Variants in SORCS2 observed in about 807,000 individuals in gnomAD.
SORCS2 encodes sortilin related VPS10 domain containing receptor 2.
SORCS2 carries 100 observed loss-of-function variants against 141.6 expected under a neutral mutation model. That is an observed-to-expected ratio of 0.71 (90% CI 0.60 to 0.83). SORCS2 has a LOEUF of 0.83. SORCS2 is among the 40% of genes least tolerant of loss of function. The probability of loss-of-function intolerance (pLI) is 0.00; values close to 1 mark genes in which losing one functional copy is unlikely to be tolerated. For missense variants in SORCS2, 1,646 were observed against 1,560.2 expected, an observed-to-expected ratio of 1.05 and a Z score of -0.93; for synonymous variants, 789 against 676.9, an observed-to-expected ratio of 1.17 and a Z score of -2.57.
At chr4:7,434,810 G>A in intron 2 of SORCS2, 1 of 1,606,432 alleles carries the variant, frequency 6.2e-7, no homozygotes, top group Non-Finnish European at 8.5e-7. Flanking sequence ...GCACACTCCT[G>A]GGGGCCTGAG....
At chr4:7,665,733 T>C (rs75348643) in intron 7 of SORCS2, among the ~76,000 whole-genome samples, 5,928 of 152,260 alleles carry the variant, frequency 0.039, 364 homozygotes, top group African/African-American at 0.13. Flanking sequence ...CTTTCCCAGC[T>C]CCTAGCATTG....
chr4:7,350,785 C>G (rs1720893461), intron 1 of SORCS2, among the ~76,000 whole-genome samples: 1 of 152,204 alleles, frequency 6.6e-6, no homozygotes, highest in South Asian at 2.1e-4. Flanking sequence ...GAGTTCACTG[C>G]TATTGATTGC....
chr4:7,685,010 C>G (rs993121188), intron 10 of SORCS2, among the ~76,000 whole-genome samples: 4 of 152,230 alleles, frequency 2.6e-5, no homozygotes, highest in African/African-American at 9.6e-5. Context: ...GGCTGCCCGC[C>G]TCTGCTCAAG....
chr4:7,694,562 G>A (rs1041665632), intron 11 of SORCS2, among the ~76,000 whole-genome samples: 13 of 152,206 alleles, frequency 8.5e-5, no homozygotes, highest in African/African-American at 1.2e-4. Context: ...GTGCTGACGC[G>A]GCAACACTCC....
chr4:7,479,799 G>T (rs1389387273), intron 2 of SORCS2, among the ~76,000 whole-genome samples: 1 of 152,208 alleles, frequency 6.6e-6, no homozygotes, highest in Non-Finnish European at 1.5e-5. Flanking sequence ...TCCAGTGGTG[G>T]GTGCAGTGAG....
intron 9 of SORCS2, among the ~76,000 whole-genome samples, chr4:7,679,380 G>A (rs1442640146): frequency 6.6e-6 from 1 of 152,194 alleles, no homozygotes; most frequent in Admixed American, 6.5e-5. Flanking sequence ...CGAAATGGTG[G>A]CTCACATGCT....
intron 1 of SORCS2, among the ~76,000 whole-genome samples, chr4:7,391,544 G>T (rs1271380643): frequency 6.6e-6 from 1 of 152,056 alleles, no homozygotes; most frequent in Admixed American, 6.5e-5. Context: ...GCCGGCCTAG[G>T]GTCTCTCCAG....
chr4:7,470,359 A>G (rs1377212743), intron 2 of SORCS2, among the ~76,000 whole-genome samples: 1 of 150,598 alleles, frequency 6.6e-6, no homozygotes, highest in Non-Finnish European at 1.5e-5. Context: ...TTATCGATCC[A>G]TCCATCCATC....
chr4:7,690,883 A>T (rs1460818242), intron 11 of SORCS2, among the ~76,000 whole-genome samples: 1 of 152,250 alleles, frequency 6.6e-6, no homozygotes, highest in Non-Finnish European at 1.5e-5. Context: ...AAACTAGAAC[A>T]TCCAAGAATC....
intron 2 of SORCS2, among the ~76,000 whole-genome samples, chr4:7,469,224 G>T (rs1653934402): frequency 6.6e-6 from 1 of 152,034 alleles, no homozygotes; most frequent in South Asian, 2.1e-4. Flanking sequence ...TGTTGATGGC[G>T]GTGGTGATAG....
At chr4:7,290,514 C>T (rs370945352) in intron 1 of SORCS2, among the ~76,000 whole-genome samples, 1 of 152,166 alleles carries the variant, frequency 6.6e-6, no homozygotes, top group South Asian at 2.1e-4. Context: ...ATCCTCCCTT[C>T]ATTTCTCCAG....
chr4:7,499,955 C>T (rs1042447083), intron 2 of SORCS2, among the ~76,000 whole-genome samples: 9 of 152,120 alleles, frequency 5.9e-5, no homozygotes, highest in African/African-American at 2.2e-4. Context: ...AGCCAGCTGT[C>T]CTCCTTGGAA....
At chr4:7,330,364 T>C (rs1276310288) in intron 1 of SORCS2, among the ~76,000 whole-genome samples, 1 of 152,012 alleles carries the variant, frequency 6.6e-6, no homozygotes, top group Non-Finnish European at 1.5e-5. Context: ...AAAGAGCTTC[T>C]CGGCAAATTT....
chr4:7,553,583 C>CA lies in SORCS2; in HGVS notation c.648+21955dup, dbSNP rs1257412871. On this transcript the variant is annotated intron_variant, in intron 3 of 26. Coordinates refer to ENST00000507866, the MANE Select transcript of SORCS2 (RefSeq NM_020777.3). Reference sequence around the variant, plus strand: ...TCTTCAAATGAGACTGCCTGGAAAACATCTCTTGCCAACAGAGAGATGAGT... The same window carrying CA: ...TCTTCAAATGAGACTGCCTGGAAAACAATCTCTTGCCAACAGAGAGATGAGT... Among the ~76,000 whole-genome samples, 6 of 152,310 alleles carry CA rather than the reference C, an allele frequency of 3.9e-5. 1 individual carries two copies. In the Middle Eastern group the frequency reaches 0.017, roughly 432 times the overall value.
At chr4:7,288,131 C>T (rs1186355443) in intron 1 of SORCS2, among the ~76,000 whole-genome samples, 1 of 152,170 alleles carries the variant, frequency 6.6e-6, no homozygotes, top group Non-Finnish European at 1.5e-5. Context: ...CTCGAGAGCT[C>T]GGCTGCTTAA....
chr4:7,633,052 A>T (rs184896314), intron 3 of SORCS2, among the ~76,000 whole-genome samples: 38 of 152,294 alleles, frequency 2.5e-4, no homozygotes, highest in African/African-American at 8.4e-4. Flanking sequence ...GGTTGTTCAG[A>T]ATTTTGTACT....
At chr4:7,396,464 G>C (rs1182157304) in intron 2 of SORCS2, 109 bp downstream of exon 2, 1 of 1,140,366 alleles carries the variant, frequency 8.8e-7, no homozygotes, top group Non-Finnish European at 1.3e-6. Context: ...GCCCCTGTGA[G>C]TCAGTGGCCT....
At chr4:7,399,834 G>A (rs1724457802) in intron 2 of SORCS2, among the ~76,000 whole-genome samples, 3 of 152,162 alleles carry the variant, frequency 2.0e-5, no homozygotes, top group South Asian at 4.2e-4. Flanking sequence ...CAGGGAAGGC[G>A]TGAGTTCAAG....
chr4:7,209,773 C>T (rs1231182480), intron 1 of SORCS2, among the ~76,000 whole-genome samples: 2 of 152,094 alleles, frequency 1.3e-5, no homozygotes, highest in South Asian at 4.1e-4. Flanking sequence ...CAGAACCTAC[C>T]GACCAACCAT....
Sources: allele counts gnomAD v4.1 joint callset (sites outside exome capture counted in the v4.1 genomes callset), GRCh38; gene constraint gnomAD v4.1.1; transcripts MANE v1.5; gene names NCBI Gene and HGNC (gene_info 2026-07-23, HGNC 2026-07-21).